Variants in HDC observed in about 807,000 individuals in gnomAD.
The protein encoded by HDC is histidine decarboxylase.
In HDC, 27 loss-of-function variants were observed where a neutral mutation model predicts 64.4. That is an observed-to-expected ratio of 0.42 (90% CI 0.31 to 0.58). The LOEUF (loss-of-function observed/expected upper bound fraction) is 0.58. HDC is among the 20% of genes least tolerant of loss of function. The pLI, the probability that HDC is intolerant of heterozygous loss-of-function variation, is 0.16. For synonymous variants in HDC, 305 were observed against 314.2 expected (o/e 0.97, Z 0.31); for missense variants, 711 against 833.9 (o/e 0.85, Z 1.81).
At chr15:50,259,053 T>TGAGTA (rs2045669971) in intron 2 of HDC, among the ~76,000 whole-genome samples, 4 of 151,932 alleles carry the variant, frequency 2.6e-5, no homozygotes. Context: ...TCCCAGCTAC[T>TGAGTA]CAGGAGGCTG....
chr15:50,250,848 T>C (rs1258512540), intron 9 of HDC, among the ~76,000 whole-genome samples: 2 of 152,214 alleles, frequency 1.3e-5, no homozygotes, highest in African/African-American at 4.8e-5. Context: ...TCACCACCAG[T>C]AAGCCGTGAG....
intron 1 of HDC, 142 bp from the exon 2 acceptor site, chr15:50,263,549 C>T (rs2045732503): frequency 6.5e-6 from 5 of 767,574 alleles, no homozygotes; most frequent in Non-Finnish European, 1.1e-5. Context: ...TGCCTGTAAT[C>T]CCAGCACTTT....
intron 10 of HDC, among the ~76,000 whole-genome samples, chr15:50,245,315 C>T (rs955557298): frequency 6.6e-6 from 1 of 152,144 alleles, no homozygotes; most frequent in African/African-American, 2.4e-5. Context: ...TAGAGTATGG[C>T]CCACAAAGCC....
chr15:50,254,323 AC>A, intron 5 of HDC, 50 bp from the exon 6 acceptor site: 3 of 1,608,742 alleles, frequency 1.9e-6, no homozygotes, highest in Non-Finnish European at 2.6e-6. Flanking sequence ...TGGAATGATC[AC>A]CCCCCAGAAA....
intron 10 of HDC, among the ~76,000 whole-genome samples, chr15:50,243,600 C>T (rs1452418508): frequency 6.6e-6 from 1 of 152,226 alleles, no homozygotes; most frequent in African/African-American, 2.4e-5. Context: ...GGGCCAAAAC[C>T]CAGTCCATGC....
chr15:50,253,863 GA>G (rs1415880258), intron 6 of HDC, 197 bp from the exon 7 acceptor site: 6 of 645,198 alleles, frequency 9.3e-6, no homozygotes, highest in South Asian at 3.7e-5. Flanking sequence ...GTGTGTATTT[GA>G]AAAAAAAGTT....
Position 50,242,232 on chromosome 15 carries a change from C to A in HDC, c.*28G>T. The A allele has an allele frequency of 6.3e-7, 1 of 1,591,072 alleles. No individual in the cohort carries two copies. The highest frequency in any genetic ancestry group is 8.6e-7 in the Non-Finnish European group (1 of 1,159,230). ...GGTTCACAGAGTCCCTGAAGTATAT[C>A]CTCAGACTCTGGCTGAAGGCCCTGT... On this transcript the variant is annotated 3_prime_UTR_variant, in exon 12 of 12. Coordinates refer to ENST00000267845, the MANE Select transcript of HDC (RefSeq NM_002112.4).
chr15:50,257,154 A>G (rs1455273641), intron 4 of HDC, among the ~76,000 whole-genome samples: 12 of 152,218 alleles, frequency 7.9e-5, no homozygotes, highest in African/African-American at 2.9e-4. Context: ...TTGTCAGATT[A>G]TAGACTAAGA....
chr15:50,250,058 T>C (rs1020828359), intron 9 of HDC, among the ~76,000 whole-genome samples: 6 of 152,190 alleles, frequency 3.9e-5, no homozygotes, highest in African/African-American at 1.4e-4. Flanking sequence ...AAGGTAACGC[T>C]CCCTCCACTG....
Position 50,263,347 on chromosome 15 carries a change from G to A in HDC, c.92C>T (p.Thr31Met), listed in dbSNP as rs17740607. Residue 31 changes from threonine (T) to methionine (M), a missense_variant, in exon 2 of 12, where the codon ACG (threonine) becomes ATG (methionine). By Grantham distance (81) the Thr-to-Met change is moderately conservative. Around this residue, in one of 3 missense-constraint regions of HDC, gnomAD observed 225 missense variants for 276.2 expected, o/e 0.81. Transcript: ENST00000267845. ...CAGGTAGCCAGGCTGCACGTCTGGC[G>A]TCACACGTCTCTCCCGCACAGTGCT... ...YLSTVRERRV[T>M]PDVQPGYLRA... is the part of the protein sequence containing the mutation. The A allele has an allele frequency of 0.094, 151,904 of 1,613,916 alleles. 7,909 individuals are homozygous for A. The highest frequency in any genetic ancestry group is 0.12 in the Middle Eastern group (698 of 6,062).
At position 50,253,658 on chromosome 15, in the gene HDC, T is replaced by C. The variant is rs753193518; in HGVS notation, c.729A>G (p.Ala243=). 8.7e-6 allele frequency: 14 copies of C among 1,613,222 alleles called. No individual in the cohort carries two copies. The highest frequency in any genetic ancestry group is 1.1e-5 in the Non-Finnish European group (13 of 1,179,962). The change falls in exon 7 of 12, where the codon GCA becomes GCG. Residue 243 remains alanine (A), a synonymous_variant. Coordinates refer to ENST00000267845, the MANE Select transcript of HDC (RefSeq NM_002112.4). ...QRGLVPVFVC[A]TLGTTGVCAF... The stretch of plus-strand genomic sequence containing the variant: ...CACAGACCCCAGTGGTCCCTAGTGT[T>C]GCACAGACCTAGGGGAAAATTAAGG...
At position 50,248,304 on chromosome 15, in the gene HDC, T is replaced by C; in HGVS notation, c.1081A>G (p.Lys361Glu). The change falls in exon 10 of 12, where the codon AAA (lysine) becomes GAA (glutamate). Residue 361 changes from lysine to glutamate, a missense_variant. Around this residue, in one of 3 missense-constraint regions of HDC, gnomAD observed 483 missense variants for 540.9 expected, o/e 0.89. Transcript: ENST00000267845. This position sits in a 1 kb window ranked among gnomAD's most constrained non-coding sequence, Gnocchi z 4.3. ...AAGGACCGAATCACGAACCAGAGTT[T>C]AACAGAGCGAAACCGTCGGCTCAGG... ...IPLSRRFRSV[K>E]LWFVIRSFGV... 1 of 1,614,152 alleles carries C rather than the reference T, an allele frequency of 6.2e-7. No homozygotes were observed. The highest frequency in any genetic ancestry group is 8.5e-7 in the Non-Finnish European group (1 of 1,180,010).
intron 2 of HDC, among the ~76,000 whole-genome samples, chr15:50,261,030 G>A (rs1410252579): frequency 1.3e-5 from 2 of 152,174 alleles, no homozygotes; most frequent in South Asian, 4.1e-4. Context: ...TCAGAGGCTG[G>A]TGTGGCCTGA....
At chr15:50,261,846 A>G (rs893020599) in intron 2 of HDC, among the ~76,000 whole-genome samples, 3 of 151,730 alleles carry the variant, frequency 2.0e-5, no homozygotes, top group African/African-American at 7.3e-5. Context: ...AGTAGCTGGG[A>G]TTACAGGCAT....
At chr15:50,257,598 G>C in intron 3 of HDC, 51 bp from the exon 4 acceptor site, 1 of 1,607,404 alleles carries the variant, frequency 6.2e-7, no homozygotes, top group Non-Finnish European at 8.5e-7. Flanking sequence ...GCACTGAGGT[G>C]CCCCCACGAG....
intron 10 of HDC, among the ~76,000 whole-genome samples, chr15:50,244,067 T>C (rs1182058178): frequency 6.6e-6 from 1 of 152,202 alleles, no homozygotes. Flanking sequence ...TCCACTGAAG[T>C]TCATACCATC....
chr15:50,258,615 G>A, intron 2 of HDC, 98 bp from the exon 3 acceptor site: 3 of 734,466 alleles, frequency 4.1e-6, no homozygotes, highest in Non-Finnish European at 7.5e-6. Flanking sequence ...TGTCACTCTA[G>A]AGATGGGCTG....
rs201907439 is a variant in HDC, at chr15:50,258,487, C to T, written c.235G>A (p.Ala79Thr). The T allele has an allele frequency of 5.6e-6, 9 of 1,613,260 alleles. No individual in the cohort carries two copies. The highest frequency in any genetic ancestry group is 3.3e-5 in the Admixed American group (2 of 59,980). Residue 79 changes from alanine to threonine, a missense_variant, in exon 3 of 12, where the codon GCC becomes ACC. Ala to Thr is a moderately conservative substitution (Grantham distance 58). This residue lies in a region of HDC where 225 missense variants were observed against 276.2 expected (regional missense o/e 0.81). Transcript: ENST00000267845. ...VVHWQSPHMHAYYPALTSWPS... is the reference protein window; with the variant it reads ...VVHWQSPHMHTYYPALTSWPS... The stretch of plus-strand genomic sequence containing the variant: ...CAAGAGGTGAGGGCTGGGTAGTAGG[C>T]GTGCATATGGGGGCTCTGCCAATGT...
chr15:50,253,499 G>A (rs960749757), intron 7 of HDC, 101 bp downstream of exon 7: 1 of 1,072,118 alleles, frequency 9.3e-7, no homozygotes, highest in South Asian at 1.2e-5. Context: ...TGACCAAAGA[G>A]GAACAAGAAT....
Sources: allele counts gnomAD v4.1 joint callset (sites outside exome capture counted in the v4.1 genomes callset), GRCh38; gene constraint gnomAD v4.1.1; regional missense constraint gnomAD v4.1.1; non-coding constraint Gnocchi (gnomAD v3.1); transcripts MANE v1.5; gene names NCBI Gene and HGNC (gene_info 2026-07-23, HGNC 2026-07-21).